The following MACF1 variants were observed in gnomAD, a reference collection of about 807,000 sequenced individuals.
MACF1 encodes microtubule actin crosslinking factor 1.
A neutral mutation model predicts 854.8 loss-of-function variants in MACF1; 193 were observed. The ratio of observed to expected loss-of-function variants is 0.23; its 90% confidence interval spans 0.20 to 0.25. The LOEUF (loss-of-function observed/expected upper bound fraction) is 0.25, where lower values mean the gene tolerates loss of function less well. MACF1 is among the 10% of genes least tolerant of loss of function. The pLI is 1.00. For missense variants in MACF1, 7,722 were observed against 8,929.1 expected (o/e 0.86, Z 5.45); for synonymous variants, 3,185 against 3,226.7 (o/e 0.99, Z 0.44).
At chr1:39,130,482 A>G (rs1313612035) in intron 2 of MACF1, among the ~76,000 whole-genome samples, 2 of 152,188 alleles carry the variant, frequency 1.3e-5, no homozygotes, top group Non-Finnish European at 2.9e-5. Context: ...AAATCCTCCT[A>G]CATGTCCCAT....
chr1:39,288,281 A>C (rs973249971), intron 15 of MACF1, among the ~76,000 whole-genome samples: 11 of 151,666 alleles, frequency 7.3e-5, no homozygotes, highest in Non-Finnish European at 1.6e-4. Context: ...GGTGGATCAC[A>C]AGCTCAGGAG....
At chr1:39,286,049 C>T (rs1488503671) in intron 14 of MACF1, among the ~76,000 whole-genome samples, 6 of 152,164 alleles carry the variant, frequency 3.9e-5, no homozygotes, top group Admixed American at 1.3e-4. Context: ...GTCTCACTTT[C>T]GTTGCCCAGG....
At chr1:39,226,494 C>A (rs1166452779) in intron 1 of MACF1, among the ~76,000 whole-genome samples, 1 of 152,110 alleles carries the variant, frequency 6.6e-6, no homozygotes, top group Non-Finnish European at 1.5e-5. Flanking sequence ...GCGTGTGCCA[C>A]CACGCCCAGC....
chr1:39,361,034 G>A (rs1341056924), intron 48 of MACF1, 33 bp downstream of exon 48: 2 of 1,568,134 alleles, frequency 1.3e-6, no homozygotes, highest in Admixed American at 1.7e-5. Context: ...TAGCATAGAG[G>A]GTATGTTTGC....
At chr1:39,348,221 CTG>C (rs1647100087) in intron 41 of MACF1, among the ~76,000 whole-genome samples, 2 of 152,280 alleles carry the variant, frequency 1.3e-5, no homozygotes, top group South Asian at 4.1e-4. Flanking sequence ...CCTTTGAAAA[CTG>C]AGCATGTGCA....
chr1:39,441,136 A>G lies in MACF1; in HGVS notation c.18570+11A>G. ...AAGAGCATTGATGAGGTGTGGAGAA[A>G]TGGATGAGGCACTCAGTTAGAACAT... On this transcript the variant is annotated intron_variant, in intron 73 of 100. Transcript: ENST00000564288. 1.2e-6 allele frequency: 2 copies of G among 1,614,186 alleles called. No individual in the cohort carries two copies. The highest frequency in any genetic ancestry group is 1.7e-6 in the Non-Finnish European group (2 of 1,180,022).
intron 6 of MACF1, among the ~76,000 whole-genome samples, chr1:39,267,516 G>T (rs1007948349): frequency 3.3e-5 from 5 of 152,196 alleles, no homozygotes; most frequent in African/African-American, 1.2e-4. Flanking sequence ...TAATAGGCGT[G>T]AGCCACTGCG....
intron 6 of MACF1, among the ~76,000 whole-genome samples, chr1:39,259,296 C>T (rs970797559): frequency 2.6e-5 from 4 of 151,488 alleles, no homozygotes; most frequent in Non-Finnish European, 1.5e-5. Flanking sequence ...TTTTTTTGAC[C>T]GAGTTTTGCT....
At chr1:39,341,646 C>T (rs2148485007) in intron 40 of MACF1, among the ~76,000 whole-genome samples, 1 of 151,814 alleles carries the variant, frequency 6.6e-6, no homozygotes, top group Non-Finnish European at 1.5e-5. Flanking sequence ...TGCAGTGAGC[C>T]AAGACCGCGC....
intron 43 of MACF1, among the ~76,000 whole-genome samples, chr1:39,352,493 C>G (rs574246037): frequency 6.6e-6 from 1 of 152,276 alleles, no homozygotes; most frequent in South Asian, 2.1e-4. Flanking sequence ...ACTAAATGAC[C>G]TCTAAATAAA....
At position 39,410,387 on chromosome 1, in the gene MACF1, C is replaced by T. The variant is rs577868980; in HGVS notation, c.15817-11987C>T. 1.2e-5 allele frequency: 20 copies of T among 1,613,852 alleles called. No homozygotes were observed. The African/African-American group carries it at 2.3e-4, about 18-fold the overall frequency. On this transcript the variant is annotated intron_variant, in intron 58 of 100. Coordinates refer to ENST00000564288, the MANE Select transcript of MACF1 (RefSeq NM_001394062.1). ...GTTCCACAACGGTCTATATATGATA[C>T]GATGAGGATAAATGAGCAAATTGAC...
chr1:39,088,606 G>A (rs1641733764), intron 2 of MACF1, among the ~76,000 whole-genome samples: 2 of 152,334 alleles, frequency 1.3e-5, no homozygotes, highest in East Asian at 1.9e-4. Context: ...TTAGTGAAGA[G>A]CAGTAGAAAT....
intron 2 of MACF1, among the ~76,000 whole-genome samples, chr1:39,155,361 G>A (rs1643662556): frequency 6.6e-6 from 1 of 152,220 alleles, no homozygotes; most frequent in African/African-American, 2.4e-5. Flanking sequence ...AGTTGTTCCT[G>A]TTGTTAGATT....
intron 2 of MACF1, among the ~76,000 whole-genome samples, chr1:39,145,097 C>T (rs1643433131): frequency 6.6e-6 from 1 of 152,074 alleles, no homozygotes; most frequent in South Asian, 2.1e-4. Context: ...CACTGAGCTA[C>T]TGAGTGCCAC....
At chr1:39,241,993 T>C (rs1390826636) in intron 2 of MACF1, among the ~76,000 whole-genome samples, 1 of 152,242 alleles carries the variant, frequency 6.6e-6, no homozygotes, top group African/African-American at 2.4e-5. Context: ...CTTACTCCTT[T>C]TGTTAAAGCC....
At chr1:39,370,404 T>C (rs1220047064) in intron 51 of MACF1, among the ~76,000 whole-genome samples, 3 of 152,298 alleles carry the variant, frequency 2.0e-5, no homozygotes, top group East Asian at 3.9e-4. Context: ...TAGACAAATA[T>C]ATTTGAGCAA....
At chr1:39,386,712 G>C (rs1641809463) in intron 57 of MACF1, among the ~76,000 whole-genome samples, 1 of 152,154 alleles carries the variant, frequency 6.6e-6, no homozygotes, top group South Asian at 2.1e-4. Flanking sequence ...TTACAGGCGT[G>C]AGCCACCGCA....
At chr1:39,325,748 T>C (rs1646598228) in intron 35 of MACF1, among the ~76,000 whole-genome samples, 1 of 152,188 alleles carries the variant, frequency 6.6e-6, no homozygotes, top group Non-Finnish European at 1.5e-5. Flanking sequence ...GTAAATTTGT[T>C]AGGACCGAAG....
intron 2 of MACF1, among the ~76,000 whole-genome samples, chr1:39,159,031 G>T (rs1249502114): frequency 1.3e-5 from 2 of 152,142 alleles, no homozygotes; most frequent in Non-Finnish European, 2.9e-5. Context: ...GTATTACAAG[G>T]CTTCAGGCTC....
Sources: gnomAD v4.1 joint callset for allele counts (sites outside exome capture counted in the v4.1 genomes callset) on GRCh38, gnomAD v4.1.1 for gene constraint, MANE v1.5 for transcripts, NCBI Gene and HGNC (gene_info 2026-07-23, HGNC 2026-07-21) for gene names.